PHACTR3: variants seen among roughly 807,000 people sequenced by gnomAD.
PHACTR3 encodes the protein phosphatase and actin regulator 3.
PHACTR3 carries 16 observed loss-of-function variants against 66.8 expected under a neutral mutation model. The observed-to-expected ratio is 0.24, with a 90% CI of 0.16 to 0.36. The LOEUF is 0.36. Among genes scored for constraint, PHACTR3 ranks in the 10% least tolerant of loss-of-function variants. The pLI is 1.00. For missense variants in PHACTR3, 647 were observed against 719.9 expected, an observed-to-expected ratio of 0.90 and a Z score of 1.16; for synonymous variants, 323 against 292.1, an observed-to-expected ratio of 1.11 and a Z score of -1.08.
intron 8 of PHACTR3, among the ~76,000 whole-genome samples, chr20:59,807,935 G>A (rs1277574555): frequency 2.6e-5 from 4 of 152,152 alleles, no homozygotes; most frequent in Admixed American, 2.0e-4. Context: ...CCAGAGCCAC[G>A]GGTGGGCACC....
At chr20:59,841,057 A>G (rs1023054511) in intron 10 of PHACTR3, among the ~76,000 whole-genome samples, 2 of 152,228 alleles carry the variant, frequency 1.3e-5, no homozygotes, top group African/African-American at 2.4e-5. Flanking sequence ...TAATAACTTT[A>G]TTAGTACTTT....
intron 1 of PHACTR3, among the ~76,000 whole-genome samples, chr20:59,668,170 G>T (rs1277231721): frequency 1.3e-5 from 2 of 151,932 alleles, no homozygotes; most frequent in South Asian, 4.2e-4. Context: ...ACACCTGTAC[G>T]GGGTTAGAGG....
At chr20:59,749,757 T>G (rs1308093650) in intron 3 of PHACTR3, among the ~76,000 whole-genome samples, 1 of 152,210 alleles carries the variant, frequency 6.6e-6, no homozygotes, top group Non-Finnish European at 1.5e-5. Context: ...CCAAGAAAAC[T>G]TTATTTATGG....
chr20:59,737,329 C>G (rs951972692), intron 1 of PHACTR3, among the ~76,000 whole-genome samples: 6 of 152,114 alleles, frequency 3.9e-5, no homozygotes, highest in Admixed American at 2.0e-4. Context: ...TCAGGGCTCT[C>G]TATGTCCCCC....
chr20:59,845,307 AAC>A (rs2059128854), intron 12 of PHACTR3, 42 bp downstream of exon 12: 2 of 1,311,660 alleles, frequency 1.5e-6, no homozygotes, highest in Non-Finnish European at 2.2e-6. Context: ...TTATTTTTGA[AAC>A]ACACACCGCC....
At chr20:59,617,457 G>A (rs2034068989) in intron 1 of PHACTR3, among the ~76,000 whole-genome samples, 1 of 152,170 alleles carries the variant, frequency 6.6e-6, no homozygotes, top group Non-Finnish European at 1.5e-5. Flanking sequence ...TCTCTGTGTG[G>A]TGTTAAAAAA....
intron 8 of PHACTR3, among the ~76,000 whole-genome samples, chr20:59,825,897 G>A (rs2042178001): frequency 6.6e-6 from 1 of 152,166 alleles, no homozygotes; most frequent in Non-Finnish European, 1.5e-5. Flanking sequence ...CAGTGCTCTT[G>A]AGCGGGATTA....
intron 7 of PHACTR3, among the ~76,000 whole-genome samples, chr20:59,785,877 CTTCATTTTGTTTTCCAACGGCCCT>C (rs1483164145): frequency 9.2e-5 from 1 of 10,820 alleles, no homozygotes; most frequent in African/African-American, 1.8e-4. Context: ...GCATCCCCTA[CTTCATTTTGTTTTCCAACGGCCCT>C]CTGCATCCCC....
At chr20:59,672,724 C>T (rs961823588) in intron 1 of PHACTR3, among the ~76,000 whole-genome samples, 1 of 152,224 alleles carries the variant, frequency 6.6e-6, no homozygotes, top group Non-Finnish European at 1.5e-5. Flanking sequence ...GCCCGACACC[C>T]AGCTTGCGGC....
chr20:59,632,057 C>T lies in PHACTR3; in HGVS notation c.118+26925C>T, dbSNP rs117172905. On this transcript the variant is annotated intron_variant, in intron 1 of 12. Transcript: ENST00000371015. ...CGTCCTCACCTTGTGGTGTACGGGA[C>T]GTGTGGGGACTGTATCATCTGGGCT... 4.7e-3 allele frequency among the ~76,000 whole-genome samples: 711 copies of T among 152,304 alleles called. 2 individuals are homozygous for T. Among genetic ancestry groups the T allele is most frequent in the South Asian group, 0.028 (137 of 4,834 alleles).
chr20:59,674,416 C>CCTTCTCCTGTCCTCT (rs2036314252), intron 1 of PHACTR3, among the ~76,000 whole-genome samples: 1 of 149,118 alleles, frequency 6.7e-6, no homozygotes, highest in African/African-American at 2.5e-5. Context: ...TGTTCCTTCC[C>CCTTCTCCTGTCCTCT]CTTCTCCTGT....
At position 59,622,551 on chromosome 20, in the gene PHACTR3, G is replaced by A. The variant is rs73301430; in HGVS notation, c.118+17419G>A. 5.8e-3 allele frequency among the ~76,000 whole-genome samples: 887 copies of A among 152,280 alleles called. 9 individuals are homozygous for A. Among genetic ancestry groups the A allele is most frequent in the African/African-American group, 0.02 (833 of 41,542 alleles). ...ACACAGCAGCCATCTCCTGGTTTGC[G>A]ATGGACACTATCTCAGGAGGAGGCT... On this transcript the variant is annotated intron_variant, in intron 1 of 12. Coordinates refer to ENST00000371015, the MANE Select transcript of PHACTR3 (RefSeq NM_080672.5).
chr20:59,773,687 T>C (rs995948303), intron 6 of PHACTR3, among the ~76,000 whole-genome samples: 55 of 152,328 alleles, frequency 3.6e-4, no homozygotes, highest in African/African-American at 1.2e-3. Flanking sequence ...TATGGGAACC[T>C]GGCCACAAAG....
chr20:59,763,724 A>G (rs2040081201), intron 4 of PHACTR3, among the ~76,000 whole-genome samples: 1 of 152,216 alleles, frequency 6.6e-6, no homozygotes, highest in African/African-American at 2.4e-5. Context: ...CTAGGCCTTC[A>G]TCCTGGGGCA....
At chr20:59,762,797 A>G (rs1488631388) in intron 4 of PHACTR3, among the ~76,000 whole-genome samples, 1 of 152,228 alleles carries the variant, frequency 6.6e-6, no homozygotes, top group Middle Eastern at 3.2e-3. Context: ...GCTGGTGAGG[A>G]GGCCCAGGCA....
intron 1 of PHACTR3, among the ~76,000 whole-genome samples, chr20:59,645,509 G>A (rs566589424): frequency 9.9e-5 from 15 of 152,034 alleles, no homozygotes; most frequent in Non-Finnish European, 1.9e-4. Context: ...CCCTGGCCTC[G>A]GAGGCTAAAG....
intron 1 of PHACTR3, among the ~76,000 whole-genome samples, chr20:59,678,479 C>T (rs1361939046): frequency 1.3e-5 from 2 of 152,168 alleles, no homozygotes; most frequent in South Asian, 2.1e-4. Flanking sequence ...TCTTAGGACC[C>T]GAGGAATGGC....
In PHACTR3 at chr20:59,736,826, T is replaced by C. The variant is rs762327135; in HGVS notation, c.119-6281T>C. On this transcript the variant is annotated intron_variant, in intron 1 of 12. Coordinates refer to ENST00000371015, the MANE Select transcript of PHACTR3 (RefSeq NM_080672.5). The surrounding 1 kb of genome is among the most constrained non-coding windows in gnomAD (Gnocchi z 4.6). ...TCTCACAAGCCCTCCCCTGGCACAG[T>C]CCTGGGCTTGAGCCACCCCAGGGAA... Among the ~76,000 whole-genome samples the C allele has an allele frequency of 2.6e-5, 4 of 152,010 alleles. No individual in the cohort carries two copies. Among genetic ancestry groups the C allele is most frequent in the Non-Finnish European group, 4.4e-5 (3 of 67,984 alleles).
At chr20:59,803,268 T>G (rs1485112281) in intron 7 of PHACTR3, among the ~76,000 whole-genome samples, 1 of 152,200 alleles carries the variant, frequency 6.6e-6, no homozygotes, top group Non-Finnish European at 1.5e-5. Context: ...GGAATAAACA[T>G]TCCTTGTTTT....
Sources: gnomAD v4.1 joint callset for allele counts (sites outside exome capture counted in the v4.1 genomes callset) on GRCh38, gnomAD v4.1.1 for gene constraint, Gnocchi (gnomAD v3.1) non-coding constraint, MANE v1.5 for transcripts, NCBI Gene and HGNC (gene_info 2026-07-23, HGNC 2026-07-21) for gene names.